NYAP2: variants seen among roughly 807,000 people sequenced by gnomAD.
NYAP2 encodes the protein neuronal tyrosine-phosphorylated phosphoinositide-3-kinase adaptor 2.
Under a neutral mutation model 50.4 loss-of-function variants are expected in NYAP2, and 23 were observed. The observed-to-expected ratio is 0.46, with a 90% CI of 0.33 to 0.65. NYAP2 has a LOEUF of 0.65. NYAP2 is among the 30% of genes least tolerant of loss of function. The probability of loss-of-function intolerance (pLI) is 0.02; values close to 1 mark genes in which losing one functional copy is unlikely to be tolerated. For synonymous variants in NYAP2, 394 were observed against 365.2 expected, an observed-to-expected ratio of 1.08 and a Z score of -0.90; for missense variants, 885 against 861.0, an observed-to-expected ratio of 1.03 and a Z score of -0.35.
chr2:225,540,128 A>C (rs1691432289), intron 4 of NYAP2, among the ~76,000 whole-genome samples: 1 of 152,300 alleles, frequency 6.6e-6, no homozygotes, highest in Middle Eastern at 3.4e-3. Context: ...AAAGCCATTC[A>C]ACAAATATCT....
chr2:225,615,985 C>T (rs1033149683), intron 5 of NYAP2, among the ~76,000 whole-genome samples: 9 of 152,206 alleles, frequency 5.9e-5, no homozygotes, highest in Admixed American at 2.0e-4. Context: ...TTTTCTTTAT[C>T]AGGTCTTTGC....
At chr2:225,575,179 C>G (rs1206037553) in intron 4 of NYAP2, among the ~76,000 whole-genome samples, 1 of 152,052 alleles carries the variant, frequency 6.6e-6, no homozygotes, top group Non-Finnish European at 1.5e-5. Context: ...CAATTTTTCC[C>G]CAATATATAA....
intron 3 of NYAP2, among the ~76,000 whole-genome samples, chr2:225,453,814 C>T (rs1351892104): frequency 6.6e-6 from 1 of 150,512 alleles, no homozygotes; most frequent in African/African-American, 2.5e-5. Flanking sequence ...TTTATAGGTG[C>T]CCTCCACCAC....
At chr2:225,441,783 G>T (rs988902117) in intron 3 of NYAP2, among the ~76,000 whole-genome samples, 4 of 152,172 alleles carry the variant, frequency 2.6e-5, no homozygotes, top group Non-Finnish European at 5.9e-5. Context: ...TTTGAGTGGG[G>T]ACACAGAGCC....
chr2:225,623,040 A>G (rs1693150372), intron 5 of NYAP2, among the ~76,000 whole-genome samples: 2 of 152,250 alleles, frequency 1.3e-5, no homozygotes, highest in South Asian at 4.1e-4. Context: ...TCATTCCAAA[A>G]AAATATGTAG....
At chr2:225,463,167 T>C (rs1331612998) in intron 3 of NYAP2, among the ~76,000 whole-genome samples, 1 of 152,264 alleles carries the variant, frequency 6.6e-6, no homozygotes. Flanking sequence ...AAGGCAGGCT[T>C]ACACCTGCAT....
chr2:225,490,858 G>C (rs1034189234), intron 3 of NYAP2, among the ~76,000 whole-genome samples: 2 of 152,200 alleles, frequency 1.3e-5, no homozygotes, highest in East Asian at 3.9e-4. Flanking sequence ...TGTGTGTTGA[G>C]TTGCACAACT....
At chr2:225,524,923 G>T (rs1691126306) in intron 4 of NYAP2, among the ~76,000 whole-genome samples, 1 of 152,062 alleles carries the variant, frequency 6.6e-6, no homozygotes, top group Non-Finnish European at 1.5e-5. Context: ...AGTAGGCAAA[G>T]GACATATATA....
At chr2:225,675,701 T>A in the NYAP2 span, among the ~76,000 whole-genome samples, 1 of 152,258 alleles carries the variant, frequency 6.6e-6, no homozygotes, top group East Asian at 1.9e-4. Flanking sequence ...CTATTATAAG[T>A]TCTTTGAGAA....
chr2:225,696,149 A>G, the NYAP2 span, among the ~76,000 whole-genome samples: 1 of 152,004 alleles, frequency 6.6e-6, no homozygotes, highest in South Asian at 2.1e-4. Flanking sequence ...ATATAATTAG[A>G]AAAATATCAA....
intron 6 of NYAP2, among the ~76,000 whole-genome samples, chr2:225,648,868 G>A (rs146884140): frequency 2.0e-5 from 3 of 152,262 alleles, no homozygotes; most frequent in Non-Finnish European, 2.9e-5. Flanking sequence ...CATTATCTTT[G>A]AAACCATGCG....
intron 4 of NYAP2, among the ~76,000 whole-genome samples, chr2:225,576,418 T>TA (rs1266779814): frequency 1.1e-4 from 17 of 151,476 alleles, no homozygotes; most frequent in East Asian, 9.7e-4. Context: ...ACATCTTAAT[T>TA]AAAAAAAAAT....
intron 5 of NYAP2, among the ~76,000 whole-genome samples, chr2:225,607,875 A>G (rs757568401): frequency 6.6e-6 from 1 of 152,128 alleles, no homozygotes; most frequent in African/African-American, 2.4e-5. Flanking sequence ...ATGTTTATGC[A>G]CTATTTTGAA....
At chr2:225,405,954 A>C (rs555505506) in intron 2 of NYAP2, among the ~76,000 whole-genome samples, 1 of 152,112 alleles carries the variant, frequency 6.6e-6, no homozygotes, top group East Asian at 1.9e-4. Context: ...TACATTTATC[A>C]AGGGGTTATA....
At chr2:225,638,485 A>G (rs1429866822) in intron 6 of NYAP2, among the ~76,000 whole-genome samples, 4 of 152,058 alleles carry the variant, frequency 2.6e-5, no homozygotes, top group African/African-American at 7.2e-5. Flanking sequence ...TGTGTTTTCT[A>G]TGGACCAGAT....
At chr2:225,583,306 C>A (rs542899955) in intron 5 of NYAP2, among the ~76,000 whole-genome samples, 1 of 152,206 alleles carries the variant, frequency 6.6e-6, no homozygotes, top group South Asian at 2.1e-4. Flanking sequence ...AATCTAAATT[C>A]TTGCAATGGT....
intron 3 of NYAP2, among the ~76,000 whole-genome samples, chr2:225,502,320 T>A (rs749227204): frequency 6.6e-6 from 1 of 152,166 alleles, no homozygotes; most frequent in Non-Finnish European, 1.5e-5. Context: ...CAAAAATTAA[T>A]AGTGTATGAG....
chr2:225,467,321 A>G (rs913913989), intron 3 of NYAP2, among the ~76,000 whole-genome samples: 5 of 152,228 alleles, frequency 3.3e-5, no homozygotes, highest in South Asian at 2.1e-4. Context: ...TTTCCTACCT[A>G]TTGGGAGACT....
At chr2:225,407,470 A>G (rs1694961740) in intron 2 of NYAP2, among the ~76,000 whole-genome samples, 1 of 151,966 alleles carries the variant, frequency 6.6e-6, no homozygotes, top group Non-Finnish European at 1.5e-5. Flanking sequence ...AAATCCTTAA[A>G]TTCAGGATGG....
Sources: allele counts gnomAD v4.1 joint callset (sites outside exome capture counted in the v4.1 genomes callset), GRCh38; gene constraint gnomAD v4.1.1; transcripts MANE v1.5; gene names NCBI Gene and HGNC (gene_info 2026-07-23, HGNC 2026-07-21).